The following ATXN7L1 variants were observed in gnomAD, a reference collection of about 807,000 sequenced individuals.
ATXN7L1 encodes ataxin-7-like protein 1.
ATXN7L1 carries 15 observed loss-of-function variants against 70.8 expected under a neutral mutation model. The ratio of observed to expected loss-of-function variants is 0.21; its 90% CI spans 0.14 to 0.33. The LOEUF is 0.33. Among genes scored for constraint, ATXN7L1 ranks in the 10% least tolerant of loss-of-function variants. The probability of loss-of-function intolerance (pLI) is 1.00; values close to 1 mark genes in which losing one functional copy is unlikely to be tolerated. For missense variants in ATXN7L1, 975 were observed against 1,097.1 expected (o/e 0.89, Z 1.57); for synonymous variants, 440 against 445.1 (o/e 0.99, Z 0.14).
chr7:105,752,719 G>C (rs895351042), intron 3 of ATXN7L1, among the ~76,000 whole-genome samples: 2 of 152,190 alleles, frequency 1.3e-5, no homozygotes, highest in African/African-American at 4.8e-5. Context: ...AAAAAGGTCT[G>C]GTTATTTTTC....
At chr7:105,809,640 G>A (rs997119681) in intron 2 of ATXN7L1, among the ~76,000 whole-genome samples, 11 of 152,118 alleles carry the variant, frequency 7.2e-5, no homozygotes, top group South Asian at 4.1e-4. Flanking sequence ...ATATATTAAC[G>A]TATTTAGCCC....
intron 2 of ATXN7L1, among the ~76,000 whole-genome samples, chr7:105,825,455 A>C (rs1810736340): frequency 6.6e-6 from 1 of 151,868 alleles, no homozygotes; most frequent in Non-Finnish European, 1.5e-5. Flanking sequence ...TAGTGACAGG[A>C]TATACCCAAT....
intron 7 of ATXN7L1, among the ~76,000 whole-genome samples, chr7:105,632,921 T>TTA (rs1796804758): frequency 3.3e-5 from 2 of 60,042 alleles, no homozygotes; most frequent in Admixed American, 3.1e-4. Flanking sequence ...ATCTTGTCTT[T>TTA]AAAAAAAAAA....
chr7:105,644,279 T>C (rs1798675876), intron 4 of ATXN7L1, among the ~76,000 whole-genome samples: 1 of 152,236 alleles, frequency 6.6e-6, no homozygotes, highest in African/African-American at 2.4e-5. Flanking sequence ...GAAATTATTT[T>C]AGCCCCCTCT....
chr7:105,758,373 GAGA>G (rs1249397800), intron 3 of ATXN7L1, among the ~76,000 whole-genome samples: 1 of 152,236 alleles, frequency 6.6e-6, no homozygotes, highest in African/African-American at 2.4e-5. Context: ...TTCCACACAT[GAGA>G]AGATTTACAC....
chr7:105,707,057 T>C (rs528780974), intron 3 of ATXN7L1, among the ~76,000 whole-genome samples: 29 of 152,378 alleles, frequency 1.9e-4, no homozygotes, highest in South Asian at 1.2e-3. Context: ...TTAGCACTTC[T>C]ACTCCGATGG....
At chr7:105,715,506 A>G (rs1794432202) in intron 3 of ATXN7L1, among the ~76,000 whole-genome samples, 1 of 152,256 alleles carries the variant, frequency 6.6e-6, no homozygotes, top group Non-Finnish European at 1.5e-5. Flanking sequence ...AAGCCAAGGG[A>G]ATAGCTTTCA....
At chr7:105,777,120 A>G (rs1802846479) in intron 3 of ATXN7L1, among the ~76,000 whole-genome samples, 1 of 152,090 alleles carries the variant, frequency 6.6e-6, no homozygotes, top group Non-Finnish European at 1.5e-5. Context: ...GCCTTCAGGA[A>G]CTCACTGTCT....
intron 9 of ATXN7L1, among the ~76,000 whole-genome samples, chr7:105,619,155 T>TTTTTTTTTC (rs1794418119): frequency 8.2e-6 from 1 of 121,492 alleles, no homozygotes; most frequent in Non-Finnish European, 1.7e-5. Flanking sequence ...TTTTTTTTTT[T>TTTTTTTTTC]TTTTTTTTTT....
intron 2 of ATXN7L1, among the ~76,000 whole-genome samples, chr7:105,799,389 G>A (rs185320075): frequency 6.6e-6 from 1 of 152,264 alleles, no homozygotes; most frequent in East Asian, 1.9e-4. Context: ...TCTGCTTGAA[G>A]ATTCAGAGAT....
chr7:105,721,610 C>T (rs1795195548), intron 3 of ATXN7L1, among the ~76,000 whole-genome samples: 1 of 152,236 alleles, frequency 6.6e-6, no homozygotes, highest in East Asian at 1.9e-4. Context: ...CAGTACGAGG[C>T]TTGCACTAAC....
At chr7:105,812,182 C>T (rs1209374879) in intron 2 of ATXN7L1, among the ~76,000 whole-genome samples, 1 of 152,182 alleles carries the variant, frequency 6.6e-6, no homozygotes, top group African/African-American at 2.4e-5. Flanking sequence ...TGTACACAAC[C>T]AGCTCCCTGG....
chr7:105,692,603 C>T (rs111790090), intron 3 of ATXN7L1, among the ~76,000 whole-genome samples: 16,372 of 151,930 alleles, frequency 0.11, 911 homozygotes, highest in Non-Finnish European at 0.12. Context: ...TGCACCACTA[C>T]GCCTGGCTAG....
intron 2 of ATXN7L1, among the ~76,000 whole-genome samples, chr7:105,799,860 T>C (rs1806553385): frequency 6.6e-6 from 1 of 152,120 alleles, no homozygotes; most frequent in Non-Finnish European, 1.5e-5. Flanking sequence ...CCCAAGGCAT[T>C]CTCCCAGGAA....
At chr7:105,671,104 C>CAAAAAAAAAAAAAAAAAA (rs71155469) in intron 3 of ATXN7L1, among the ~76,000 whole-genome samples, 8 of 89,702 alleles carry the variant, frequency 8.9e-5, no homozygotes, top group East Asian at 8.4e-4. Flanking sequence ...GACTACGTCT[C>CAAAAAAAAAAAAAAAAAA]AAAAAAAAAA....
chr7:105,653,354 A>G (rs1800140956), intron 4 of ATXN7L1, among the ~76,000 whole-genome samples: 1 of 152,122 alleles, frequency 6.6e-6, no homozygotes, highest in African/African-American at 2.4e-5. Context: ...AGGCTGAGGC[A>G]GGAGAATTGC....
chr7:105,650,109 A>G (rs1056765204), intron 4 of ATXN7L1, among the ~76,000 whole-genome samples: 3 of 152,232 alleles, frequency 2.0e-5, no homozygotes, highest in Admixed American at 6.5e-5. Flanking sequence ...TGAGGAAATT[A>G]TTTATATCCA....
intron 3 of ATXN7L1, among the ~76,000 whole-genome samples, chr7:105,681,739 C>T (rs1230648679): frequency 6.6e-6 from 1 of 152,158 alleles, no homozygotes; most frequent in Non-Finnish European, 1.5e-5. Context: ...ACAACCTGGA[C>T]AAACTTTGGG....
intron 7 of ATXN7L1, among the ~76,000 whole-genome samples, chr7:105,631,417 C>T (rs1042127900): frequency 1.3e-5 from 2 of 152,186 alleles, no homozygotes; most frequent in African/African-American, 2.4e-5. Context: ...ATGTCTACCA[C>T]CTTACACAAC....
Sources: gnomAD v4.1 joint callset for allele counts (sites outside exome capture counted in the v4.1 genomes callset) on GRCh38, gnomAD v4.1.1 for gene constraint, MANE v1.5 for transcripts, NCBI Gene and HGNC (gene_info 2026-07-23, HGNC 2026-07-21) for gene names.